MYRIP: variants seen among roughly 807,000 people sequenced by gnomAD.
MYRIP encodes rab effector MyRIP.
MYRIP carries 49 observed loss-of-function variants against 98.0 expected under a neutral mutation model. That is an observed-to-expected ratio of 0.50 (90% CI 0.40 to 0.63). MYRIP has a LOEUF of 0.63. MYRIP is among the 30% of genes least tolerant of loss of function. The pLI, the probability that MYRIP is intolerant of heterozygous loss-of-function variation, is 0.00. For missense variants in MYRIP, 1,004 were observed against 1,058.2 expected, an observed-to-expected ratio of 0.95 and a Z score of 0.71; for synonymous variants, 404 against 409.5, an observed-to-expected ratio of 0.99 and a Z score of 0.16.
intron 1 of MYRIP, among the ~76,000 whole-genome samples, chr3:39,875,906 C>CTGTCTTGT (rs1942978394): frequency 6.6e-6 from 1 of 151,952 alleles, no homozygotes; most frequent in African/African-American, 2.4e-5. Flanking sequence ...TGTTGACTTT[C>CTGTCTTGT]TGTCTTGTTG....
chr3:40,236,143 T>G (rs1482472790), intron 12 of MYRIP, among the ~76,000 whole-genome samples: 1 of 152,222 alleles, frequency 6.6e-6, no homozygotes, highest in Non-Finnish European at 1.5e-5. Flanking sequence ...GTTTCTATGT[T>G]TAGATACACA....
chr3:40,003,737 A>G (rs1303751873), intron 2 of MYRIP, among the ~76,000 whole-genome samples: 1 of 152,228 alleles, frequency 6.6e-6, no homozygotes, highest in Admixed American at 6.5e-5. Context: ...GTTCAGATCC[A>G]CATTCATTTA....
intron 2 of MYRIP, among the ~76,000 whole-genome samples, chr3:39,979,662 A>C (rs1450506589): frequency 5.9e-5 from 9 of 151,980 alleles, no homozygotes; most frequent in Admixed American, 2.0e-4. Context: ...AAACAAAAAA[A>C]AAAAAACAAA....
chr3:40,241,004 G>A lies in MYRIP; in HGVS notation c.2101-3442G>A, dbSNP rs536418214. 3.9e-5 allele frequency among the ~76,000 whole-genome samples: 6 copies of A among 152,192 alleles called. No homozygotes were observed. The South Asian group carries it at 1.2e-3, about 31-fold the overall frequency. ...ACAGCCAGGAAGCCCTGGTGATGAA[G>A]TCCAAATTGGTCGGCCTCCCAGGGA... is the stretch of plus-strand genomic sequence containing the variant. On this transcript the variant is annotated intron_variant, in intron 12 of 16. Coordinates refer to ENST00000302541, the MANE Select transcript of MYRIP (RefSeq NM_015460.4).
At chr3:40,139,050 CAT>C (rs974500564) in intron 3 of MYRIP, among the ~76,000 whole-genome samples, 4 of 152,216 alleles carry the variant, frequency 2.6e-5, no homozygotes, top group African/African-American at 9.6e-5. Flanking sequence ...TTAGCTTCCA[CAT>C]ATGAGTGAGA....
At chr3:39,976,833 A>G (rs1215275340) in intron 2 of MYRIP, among the ~76,000 whole-genome samples, 2 of 152,044 alleles carry the variant, frequency 1.3e-5, no homozygotes, top group East Asian at 1.9e-4. Context: ...ACTCATAGGT[A>G]GAAATTGAAC....
chr3:40,153,297 C>T (rs887609251), intron 4 of MYRIP, among the ~76,000 whole-genome samples: 4 of 152,086 alleles, frequency 2.6e-5, no homozygotes, highest in Admixed American at 6.5e-5. Flanking sequence ...CATAAAACAA[C>T]GAGATCTATT....
At chr3:40,082,189 G>A (rs538304655) in intron 3 of MYRIP, among the ~76,000 whole-genome samples, 3 of 152,232 alleles carry the variant, frequency 2.0e-5, no homozygotes, top group African/African-American at 7.2e-5. Context: ...TTATATGGAG[G>A]TTTCTCAAAA....
intron 1 of MYRIP, among the ~76,000 whole-genome samples, chr3:39,898,793 C>A (rs1575358692): frequency 6.6e-6 from 1 of 151,916 alleles, no homozygotes; most frequent in Non-Finnish European, 1.5e-5. Flanking sequence ...TAGTAGATAT[C>A]CAGTCAAATA....
chr3:39,957,714 A>C (rs1429107332), intron 2 of MYRIP, among the ~76,000 whole-genome samples: 3 of 152,312 alleles, frequency 2.0e-5, no homozygotes, highest in Admixed American at 6.5e-5. Flanking sequence ...AAGGGTATTC[A>C]ATTAGAAAAG....
chr3:39,816,395 C>G (rs552944684), intron 1 of MYRIP, among the ~76,000 whole-genome samples: 6 of 152,196 alleles, frequency 3.9e-5, no homozygotes, highest in Admixed American at 1.3e-4. Flanking sequence ...TTTGCCTTTT[C>G]AAATCATACT....
At chr3:40,221,655 G>A (rs1952341596) in intron 11 of MYRIP, among the ~76,000 whole-genome samples, 1 of 152,146 alleles carries the variant, frequency 6.6e-6, no homozygotes, top group African/African-American at 2.4e-5. Flanking sequence ...ATGACATTTA[G>A]TGTTGGTAAG....
intron 3 of MYRIP, among the ~76,000 whole-genome samples, chr3:40,128,378 G>A (rs758011422): frequency 1.3e-5 from 2 of 152,172 alleles, no homozygotes; most frequent in Non-Finnish European, 2.9e-5. Flanking sequence ...GGACAACATA[G>A]TTGCACGGCT....
At chr3:39,893,941 A>G (rs1943546211) in intron 1 of MYRIP, among the ~76,000 whole-genome samples, 1 of 152,204 alleles carries the variant, frequency 6.6e-6, no homozygotes, top group Non-Finnish European at 1.5e-5. Flanking sequence ...ATAACACTAA[A>G]ATGAATATCG....
At chr3:40,111,007 T>G (rs1456703846) in intron 3 of MYRIP, among the ~76,000 whole-genome samples, 1 of 151,840 alleles carries the variant, frequency 6.6e-6, no homozygotes, top group Non-Finnish European at 1.5e-5. Context: ...ATACTTCTAA[T>G]AAAGAGAATA....
rs988394808 is a variant in MYRIP at position 39,896,869 on chromosome 3, T to C, written c.-30-3918T>C. On this transcript the variant is annotated intron_variant, in intron 1 of 16. Transcript: ENST00000302541. ...TAATTTCTCTGTTTTTGTTTTTTTT[T>C]TCATTTGCAAGGGTTGTATTAACCA... Among the ~76,000 whole-genome samples, 6 of 152,172 alleles carry C rather than the reference T, an allele frequency of 3.9e-5. 1 individual carries two copies. The highest frequency in any genetic ancestry group is 3.9e-4 in the Admixed American group (6 of 15,292).
At position 40,189,936 on chromosome 3, in the gene MYRIP, C is replaced by G; in HGVS notation, c.1138C>G (p.Leu380Val). 6.2e-7 allele frequency: 1 copy of G among 1,614,222 alleles called. No homozygotes were observed. Among genetic ancestry groups the G allele is most frequent in the Non-Finnish European group, 8.5e-7 (1 of 1,180,038 alleles). Residue 380 changes from leucine to valine, a missense_variant, in exon 10 of 17, where the codon CTG becomes GTG. Leu to Val is a conservative substitution (Grantham distance 32). Coordinates refer to ENST00000302541, the MANE Select transcript of MYRIP (RefSeq NM_015460.4). ...ACCTAAGAGCGGGACGTTTCAGGCC[C>G]TGGAGGTGGCCTCCAGTGTGGCATC... ...AKPKSGTFQALEVASSVASAY... is the reference protein window; with the variant it reads ...AKPKSGTFQAVEVASSVASAY...
At chr3:40,165,765 A>G (rs1447266070) in intron 5 of MYRIP, among the ~76,000 whole-genome samples, 2 of 152,180 alleles carry the variant, frequency 1.3e-5, no homozygotes, top group Non-Finnish European at 2.9e-5. Context: ...TTAAAAAAAA[A>G]AAAAAAAAGT....
At chr3:40,023,100 C>T (rs975124295) in intron 2 of MYRIP, among the ~76,000 whole-genome samples, 1 of 152,168 alleles carries the variant, frequency 6.6e-6, no homozygotes, top group Non-Finnish European at 1.5e-5. Context: ...AAGGAAAAAA[C>T]TCTTGGAAAG....
Sources: gnomAD v4.1 joint callset for allele counts (sites outside exome capture counted in the v4.1 genomes callset) on GRCh38, gnomAD v4.1.1 for gene constraint, MANE v1.5 for transcripts, NCBI Gene and HGNC (gene_info 2026-07-23, HGNC 2026-07-21) for gene names.